DIP2C: variants seen among roughly 807,000 people sequenced by gnomAD.
The protein encoded by DIP2C is disco-interacting protein 2 homolog C.
A neutral mutation model predicts 192.4 loss-of-function variants in DIP2C; 33 were observed. The observed-to-expected ratio is 0.17, with a 90% CI of 0.13 to 0.23. The LOEUF is 0.23. Among genes scored for constraint, DIP2C ranks in the 10% least tolerant of loss-of-function variants. The probability of loss-of-function intolerance (pLI) is 1.00; values close to 1 mark genes in which losing one functional copy is unlikely to be tolerated. For missense variants in DIP2C, 1,537 were observed against 2,110.1 expected (o/e 0.73, Z 5.32); for synonymous variants, 979 against 864.1 (o/e 1.13, Z -2.33).
intron 8 of DIP2C, among the ~76,000 whole-genome samples, chr10:409,589 G>A (rs1965047952): frequency 6.6e-6 from 1 of 152,282 alleles, no homozygotes; most frequent in South Asian, 2.1e-4. Flanking sequence ...GGGGAAGGTT[G>A]TAGGGAGGAA....
rs375291593 is a variant in DIP2C at position 591,178 on chromosome 10, A to C, written c.85+98316T>G. ...TGCTCTGTCACCCAGGGTGGAGTGG[A>C]GTGGCGTGATCTCGGCTCACTGCAA... On this transcript the variant is annotated intron_variant, in intron 1 of 36. Coordinates refer to ENST00000280886, the MANE Select transcript of DIP2C (RefSeq NM_014974.3). Among the ~76,000 whole-genome samples, 40 of 152,208 alleles carry C rather than the reference A, an allele frequency of 2.6e-4. 1 individual carries two copies. In the East Asian group the frequency reaches 6.2e-3, roughly 24 times the overall value.
At chr10:577,107 AAAAT>A (rs1850212407) in intron 1 of DIP2C, among the ~76,000 whole-genome samples, 1 of 152,310 alleles carries the variant, frequency 6.6e-6, no homozygotes, top group African/African-American at 2.4e-5. Flanking sequence ...CTAACAACAA[AAAAT>A]AAAGCGCAGA....
In DIP2C at chr10:288,352, T is replaced by A. The variant is rs969290232; in HGVS notation, c.4044+12A>T. On this transcript the variant is annotated intron_variant, in intron 33 of 36. Coordinates refer to ENST00000280886, the MANE Select transcript of DIP2C (RefSeq NM_014974.3). ...GGATACAGAAATGCGTGCCTCTTCC[T>A]ATAATACTTACCTTTCCCGATTCCA... The A allele has an allele frequency of 6.8e-6, 11 of 1,613,684 alleles. No homozygotes were observed. Among genetic ancestry groups the A allele is most frequent in the Non-Finnish European group, 6.8e-6 (8 of 1,179,650 alleles).
intron 4 of DIP2C, among the ~76,000 whole-genome samples, chr10:428,512 T>C (rs1302825958): frequency 6.6e-6 from 1 of 152,230 alleles, no homozygotes; most frequent in African/African-American, 2.4e-5. Context: ...ACAGAAGTCA[T>C]GCATTGTTCA....
intron 32 of DIP2C, among the ~76,000 whole-genome samples, chr10:290,049 G>A (rs1420939283): frequency 2.6e-5 from 4 of 152,238 alleles, no homozygotes; most frequent in Non-Finnish European, 5.9e-5. Context: ...GCGGAAACAG[G>A]GAAGGCCAGC....
chr10:363,104 C>CAAAGCA lies in DIP2C; in HGVS notation c.2592+87_2592+92dup. ...AAGGGAAAAAGGGCCACCCCATGGG[C>CAAAGCA]AAAGCAACAGCTGGTCACACCATGA... On this transcript the variant is annotated intron_variant, in intron 21 of 36. Transcript: ENST00000280886. This position sits in a 1 kb window ranked among gnomAD's most constrained non-coding sequence, Gnocchi z 5.4. 8.5e-7 allele frequency: 1 copy of CAAAGCA among 1,173,562 alleles called. No homozygotes were observed. The highest frequency in any genetic ancestry group is 1.2e-6 in the Non-Finnish European group (1 of 826,268). 72.7% of individuals were successfully genotyped at this position (1,173,562 alleles called of 1,614,324 possible). A position where few individuals can be genotyped will look rare whatever the true frequency, so the allele number is the denominator to read the frequency against.
At chr10:682,073 T>C (rs928361512) in intron 1 of DIP2C, among the ~76,000 whole-genome samples, 40 of 152,396 alleles carry the variant, frequency 2.6e-4, no homozygotes, top group Non-Finnish European at 2.5e-4. Flanking sequence ...TAAGGTCTTC[T>C]GTGCTGACCT....
At chr10:329,642 A>G (rs139717530) in intron 29 of DIP2C, 41 bp from the exon 30 acceptor site, 4 of 429,212 alleles carry the variant, frequency 9.3e-6, no homozygotes, top group South Asian at 9.2e-5. Flanking sequence ...GAGCTCAGCA[A>G]GGCTGGAGCT....
chr10:479,963 C>T (rs188082614), intron 2 of DIP2C, among the ~76,000 whole-genome samples: 67 of 142,096 alleles, frequency 4.7e-4, no homozygotes, highest in African/African-American at 1.8e-3. Context: ...AGCCCCGGTC[C>T]ATGCTCACTG....
At chr10:650,511 C>T in intron 1 of DIP2C, 1 of 690,236 alleles carries the variant, frequency 1.4e-6, no homozygotes. Context: ...ATACTCTTCC[C>T]CTGCCCCAGC....
At chr10:405,571 AT>A (rs1224387434) in intron 9 of DIP2C, among the ~76,000 whole-genome samples, 2 of 152,330 alleles carry the variant, frequency 1.3e-5, no homozygotes, top group Non-Finnish European at 2.9e-5. Flanking sequence ...TTCCTTCAGT[AT>A]TTGAATCAGT....
chr10:329,683 G>T, intron 29 of DIP2C, 82 bp from the exon 30 acceptor site: 1 of 1,492,214 alleles, frequency 6.7e-7, no homozygotes, highest in South Asian at 1.3e-5. Flanking sequence ...GGGCAGCACT[G>T]ACTCCAAGGA....
chr10:350,033 G>C (rs748888319), intron 24 of DIP2C, among the ~76,000 whole-genome samples: 1 of 150,966 alleles, frequency 6.6e-6, no homozygotes, highest in Non-Finnish European at 1.5e-5. Flanking sequence ...CCTTACACGA[G>C]GGTTGTGAGG....
chr10:485,283 G>A (rs1843930979), intron 2 of DIP2C, among the ~76,000 whole-genome samples: 1 of 152,258 alleles, frequency 6.6e-6, no homozygotes, highest in East Asian at 1.9e-4. Flanking sequence ...ACAGGGACAG[G>A]GCGGGGGCAG....
chr10:447,470 C>T (rs1209833476), intron 3 of DIP2C, among the ~76,000 whole-genome samples: 6 of 150,520 alleles, frequency 4.0e-5, no homozygotes, highest in African/African-American at 9.9e-5. Flanking sequence ...CCCGCTCACT[C>T]CCATCGATAC....
Position 588,556 on chromosome 10 carries a change from G to A in DIP2C, c.85+100938C>T, listed in dbSNP as rs780269630. Reference sequence around the variant, plus strand: ...GGTCCCTGCCGGGAAAGTGACACCAGGGCCCTATCAGGACAGTAACAGAGG... The same window carrying A: ...GGTCCCTGCCGGGAAAGTGACACCAAGGCCCTATCAGGACAGTAACAGAGG... On this transcript the variant is annotated intron_variant, in intron 1 of 36. Coordinates refer to ENST00000280886, the MANE Select transcript of DIP2C (RefSeq NM_014974.3). Among the ~76,000 whole-genome samples the A allele has an allele frequency of 2.6e-5, 4 of 152,248 alleles. No homozygotes were observed. The South Asian group carries it at 8.3e-4, about 32-fold the overall frequency.
At chr10:427,201 AACCTCTAGAGGCC>A (rs1316120141) in intron 4 of DIP2C, among the ~76,000 whole-genome samples, 1 of 152,196 alleles carries the variant, frequency 6.6e-6, no homozygotes, top group Non-Finnish European at 1.5e-5. Context: ...GGTCTTTCCC[AACCTCTAGAGGCC>A]ACCTGTGTCC....
At chr10:303,066 A>T (rs1228603512) in intron 32 of DIP2C, among the ~76,000 whole-genome samples, 1 of 152,200 alleles carries the variant, frequency 6.6e-6, no homozygotes, top group African/African-American at 2.4e-5. Flanking sequence ...GTAGATTTGT[A>T]AACACCGTAC....
intron 4 of DIP2C, among the ~76,000 whole-genome samples, chr10:438,436 ATT>A (rs944494403): frequency 2.6e-5 from 4 of 152,262 alleles, no homozygotes; most frequent in African/African-American, 7.2e-5. Flanking sequence ...TACAAATAAC[ATT>A]TTTTTACCAT....
Sources: gnomAD v4.1 joint callset for allele counts (sites outside exome capture counted in the v4.1 genomes callset) on GRCh38, gnomAD v4.1.1 for gene constraint, Gnocchi (gnomAD v3.1) non-coding constraint, MANE v1.5 for transcripts, NCBI Gene and HGNC (gene_info 2026-07-23, HGNC 2026-07-21) for gene names.